The following INPP5A variants were observed in gnomAD, a reference collection of about 807,000 sequenced individuals.
INPP5A encodes 43 kDa inositol polyphosphate 5-phophatase.
Under a neutral mutation model 65.2 loss-of-function variants are expected in INPP5A, and 14 were observed. The ratio of observed to expected loss-of-function variants is 0.21; its 90% CI spans 0.14 to 0.34. The LOEUF (loss-of-function observed/expected upper bound fraction) is 0.34, where lower values mean the gene tolerates loss of function less well. Ranked by LOEUF, INPP5A falls within the 10% of genes least tolerant of loss-of-function variation. INPP5A has a pLI of 1.00. For missense variants in INPP5A, 431 were observed against 545.6 expected (o/e 0.79, Z 2.09); for synonymous variants, 207 against 208.3 (o/e 0.99, Z 0.05).
At chr10:132,721,061 G>T (rs542510661) in intron 8 of INPP5A, among the ~76,000 whole-genome samples, 15 of 147,844 alleles carry the variant, frequency 1.0e-4, no homozygotes, top group Non-Finnish European at 2.1e-4. Context: ...GCCTTAGATG[G>T]CTGTCTTCAG....
chr10:132,709,274 GGGGGGAGGAGGGGGAGGAGGAGGGGAT>G (rs1845592460), intron 7 of INPP5A, among the ~76,000 whole-genome samples: 1 of 131,096 alleles, frequency 7.6e-6, no homozygotes, highest in African/African-American at 2.9e-5. Context: ...GAGGGAGGGA[GGGGGGAGGAGGGGGAGGAGGAGGGGAT>G]GGGGGAAGGA....
chr10:132,636,963 G>A (rs1454359843), intron 2 of INPP5A, among the ~76,000 whole-genome samples: 1 of 152,036 alleles, frequency 6.6e-6, no homozygotes, highest in Non-Finnish European at 1.5e-5. Flanking sequence ...CTGTCGCCAG[G>A]CTGGAGTGCA....
intron 5 of INPP5A, among the ~76,000 whole-genome samples, chr10:132,692,370 T>A (rs1200523707): frequency 2.6e-5 from 4 of 151,834 alleles, no homozygotes; most frequent in Admixed American, 6.5e-5. Context: ...GAAGGAAGAT[T>A]TAATGTAGTA....
chr10:132,710,524 G>C, intron 8 of INPP5A, 68 bp downstream of exon 8: 1 of 1,573,440 alleles, frequency 6.4e-7, no homozygotes. Context: ...GGTGTGAGTG[G>C]AGAGGTAGGT....
At chr10:132,754,213 A>G (rs750738876) in intron 11 of INPP5A, among the ~76,000 whole-genome samples, 13 of 152,172 alleles carry the variant, frequency 8.5e-5, no homozygotes, top group Non-Finnish European at 1.9e-4. Flanking sequence ...CGTTTGTATC[A>G]TGGTCGTGTG....
At chr10:132,543,529 G>A (rs2070933306) in intron 1 of INPP5A, among the ~76,000 whole-genome samples, 1 of 152,184 alleles carries the variant, frequency 6.6e-6, no homozygotes. Flanking sequence ...TGATCCTCCT[G>A]CCTTAGCCTC....
chr10:132,688,776 G>A (rs111597095), intron 4 of INPP5A, among the ~76,000 whole-genome samples: 1 of 151,210 alleles, frequency 6.6e-6, no homozygotes, highest in Non-Finnish European at 1.5e-5. Flanking sequence ...GCACGAATGA[G>A]TTCGTGTGTG....
At chr10:132,757,546 C>T (rs753858187) in intron 11 of INPP5A, among the ~76,000 whole-genome samples, 1 of 152,270 alleles carries the variant, frequency 6.6e-6, no homozygotes, top group Non-Finnish European at 1.5e-5. Context: ...TGATGTCCCA[C>T]AGCGAAATCG....
intron 6 of INPP5A, among the ~76,000 whole-genome samples, chr10:132,701,861 T>C (rs1845443155): frequency 6.6e-6 from 1 of 152,220 alleles, no homozygotes; most frequent in South Asian, 2.1e-4. Flanking sequence ...GTTCCCGTTC[T>C]GGTTCTTTCT....
intron 2 of INPP5A, among the ~76,000 whole-genome samples, chr10:132,620,586 A>G (rs1189497529): frequency 6.6e-6 from 1 of 152,242 alleles, no homozygotes; most frequent in Admixed American, 6.5e-5. Context: ...AAAGCATATC[A>G]TGGGTTATGG....
chr10:132,671,776 C>T (rs564066762), intron 4 of INPP5A, among the ~76,000 whole-genome samples: 5 of 152,278 alleles, frequency 3.3e-5, no homozygotes, highest in African/African-American at 1.2e-4. Flanking sequence ...ATTTGTCTTC[C>T]CCGTGTCACA....
At position 132,651,181 on chromosome 10, in the gene INPP5A, G is replaced by C. The variant is rs1323986660; in HGVS notation, c.306+676G>C. Among the ~76,000 whole-genome samples the C allele has an allele frequency of 1.3e-5, 2 of 152,180 alleles. No homozygotes were observed. The highest frequency in any genetic ancestry group is 4.8e-5 in the African/African-American group (2 of 41,458). ...TGCAGGTCGTGAATAACTTGCTGTT[G>C]GTTCAGAGACCCACGTCTTAAATCC... On this transcript the variant is annotated intron_variant, in intron 4 of 15. Transcript: ENST00000368594. This position sits in a 1 kb window ranked among gnomAD's most constrained non-coding sequence, Gnocchi z 5.0.
In INPP5A at chr10:132,781,914, T is replaced by C. The variant is rs776378413; in HGVS notation, c.1212T>C (p.His404=). 10 of 1,613,722 alleles carry C rather than the reference T, an allele frequency of 6.2e-6. No individual in the cohort carries two copies. The highest frequency in any genetic ancestry group is 4.4e-5 in the South Asian group (4 of 91,096). ...IMPGAGKPHA[H]VHKCCVVQ is the part of the protein sequence containing the mutation. ...CCGGGGCAGGTAAACCTCATGCCCATGTGCACAAGTGTTGTGTCGTGCAGT... is the reference window on the plus strand; with the variant it reads ...CCGGGGCAGGTAAACCTCATGCCCACGTGCACAAGTGTTGTGTCGTGCAGT... The change falls in exon 15 of 16, where the codon CAT becomes CAC. Residue 404 remains histidine, a synonymous_variant. Coordinates refer to ENST00000368594, the MANE Select transcript of INPP5A (RefSeq NM_005539.5).
chr10:132,549,780 G>A lies in INPP5A; in HGVS notation c.75+11609G>A, dbSNP rs1258230548. On this transcript the variant is annotated intron_variant, in intron 1 of 15. Coordinates refer to ENST00000368594, the MANE Select transcript of INPP5A (RefSeq NM_005539.5). This position sits in a 1 kb window ranked among gnomAD's most constrained non-coding sequence, Gnocchi z 4.9. ...CCTGCAGCCCCCACTCTCTGCCCCTGGTCTGAATGGTGGGGTTGGTGTGTC... is the reference window on the plus strand; with the variant it reads ...CCTGCAGCCCCCACTCTCTGCCCCTAGTCTGAATGGTGGGGTTGGTGTGTC... Among the ~76,000 whole-genome samples the A allele has an allele frequency of 2.0e-5, 3 of 152,390 alleles. No individual in the cohort carries two copies. The highest frequency in any genetic ancestry group is 4.8e-5 in the African/African-American group (2 of 41,590).
chr10:132,747,624 G>A (rs893323543), intron 9 of INPP5A, among the ~76,000 whole-genome samples: 6 of 152,362 alleles, frequency 3.9e-5, no homozygotes, highest in South Asian at 4.1e-4. Flanking sequence ...GCCAGCGCCC[G>A]GGGCACCGAG....
chr10:132,558,980 G>T (rs1039826544), intron 1 of INPP5A, among the ~76,000 whole-genome samples: 1 of 152,158 alleles, frequency 6.6e-6, no homozygotes, highest in South Asian at 2.1e-4. Flanking sequence ...CAGCCAGCTG[G>T]AGCCTTCCTC....
At position 132,596,953 on chromosome 10, in the gene INPP5A, A is replaced by ATGTGTGCGCACATGTGTGCGTGTGTGCG. The variant is rs1564929079; in HGVS notation, c.76-10962_76-10961insTGTGTGCGCACATGTGTGCGTGTGTGCG. 1.2e-4 allele frequency among the ~76,000 whole-genome samples: 14 copies of ATGTGTGCGCACATGTGTGCGTGTGTGCG among 118,276 alleles called. 1 individual carries two copies. Among genetic ancestry groups the ATGTGTGCGCACATGTGTGCGTGTGTGCG allele is most frequent in the African/African-American group, 4.0e-4 (11 of 27,412 alleles). 77.6% of individuals were successfully genotyped at this position (118,276 alleles called of 152,430 possible). A position where few individuals can be genotyped will look rare whatever the true frequency, so the allele number is the denominator to read the frequency against. On this transcript the variant is annotated intron_variant, in intron 1 of 15. Coordinates refer to ENST00000368594, the MANE Select transcript of INPP5A (RefSeq NM_005539.5). Reference sequence around the variant, plus strand: ...TGTGCACGCATGTGTGCGTGTGTGCACACATGTGTGCGTGTGTGCATGCGT... The same window carrying ATGTGTGCGCACATGTGTGCGTGTGTGCG: ...TGTGCACGCATGTGTGCGTGTGTGCATGTGTGCGCACATGTGTGCGTGTGTGCGCACATGTGTGCGTGTGTGCATGCGT...
chr10:132,588,741 C>T (rs766985260), intron 1 of INPP5A, among the ~76,000 whole-genome samples: 12 of 152,210 alleles, frequency 7.9e-5, no homozygotes, highest in African/African-American at 2.7e-4. Flanking sequence ...AATGAGTTGA[C>T]GTTCTGGTGT....
At chr10:132,696,370 G>A (rs1418131714) in intron 5 of INPP5A, among the ~76,000 whole-genome samples, 1 of 152,174 alleles carries the variant, frequency 6.6e-6, no homozygotes. Flanking sequence ...CCAGAGTTTT[G>A]AAGAAGAAGA....
Sources: gnomAD v4.1 joint callset for allele counts (sites outside exome capture counted in the v4.1 genomes callset) on GRCh38, gnomAD v4.1.1 for gene constraint, Gnocchi (gnomAD v3.1) non-coding constraint, MANE v1.5 for transcripts, NCBI Gene and HGNC (gene_info 2026-07-23, HGNC 2026-07-21) for gene names.